Variants in RSPH3 observed in about 807,000 individuals in gnomAD.
The protein encoded by RSPH3 is radial spoke head 3, also known as radial spoke head protein 3 homolog.
RSPH3 carries 21 observed loss-of-function variants against 43.8 expected under a neutral mutation model. The ratio of observed to expected loss-of-function variants is 0.48; its 90% confidence interval spans 0.34 to 0.69. RSPH3 has a LOEUF of 0.69. Ranked by LOEUF, RSPH3 falls within the 30% of genes least tolerant of loss-of-function variation. RSPH3 has a pLI of 0.01. For synonymous variants in RSPH3, 173 were observed against 179.8 expected, an observed-to-expected ratio of 0.96 and a Z score of 0.30; for missense variants, 487 against 516.0, an observed-to-expected ratio of 0.94 and a Z score of 0.54.
chr6:158,985,975 A>G (rs950277880), intron 3 of RSPH3, among the ~76,000 whole-genome samples: 1 of 151,734 alleles, frequency 6.6e-6, no homozygotes, highest in Non-Finnish European at 1.5e-5. Context: ...CACCATGCCC[A>G]GCTAATTTTT....
At chr6:158,972,279 G>A (rs1169825628), downstream of RSPH3, among the ~76,000 whole-genome samples, 1 of 152,178 alleles carries the variant, frequency 6.6e-6, no homozygotes, top group African/African-American at 2.4e-5. Context: ...AGCTCATAAA[G>A]TGAAAACCTC....
intron 2 of RSPH3, among the ~76,000 whole-genome samples, chr6:158,987,984 T>C (rs1201051297): frequency 2.6e-5 from 4 of 152,230 alleles, no homozygotes; most frequent in Non-Finnish European, 5.9e-5. Flanking sequence ...AATGTTTTCT[T>C]TTGGCACATT....
At chr6:158,983,528 G>C (rs1778109043) in intron 4 of RSPH3, 134 bp downstream of exon 4, 2 of 740,760 alleles carry the variant, frequency 2.7e-6, no homozygotes, top group Non-Finnish European at 4.8e-6. Flanking sequence ...AACCATTATA[G>C]ATAATATCTG....
At chr6:158,988,132 T>C (rs1170294156) in intron 2 of RSPH3, 1 of 151,856 alleles carries the variant, frequency 6.6e-6, no homozygotes, top group Admixed American at 6.6e-5. Context: ...AGGGATAACT[T>C]TGTGGATACA....
chr6:158,972,130 G>A (rs533132331), downstream of RSPH3, among the ~76,000 whole-genome samples: 22 of 152,156 alleles, frequency 1.4e-4, 2 homozygotes, highest in South Asian at 3.5e-3. Context: ...ATAAGCAAAG[G>A]TTATAACAGG....
At chr6:158,985,704 C>T (rs187384261) in intron 3 of RSPH3, among the ~76,000 whole-genome samples, 5 of 152,002 alleles carry the variant, frequency 3.3e-5, no homozygotes, top group East Asian at 3.9e-4. Flanking sequence ...TGTGAGCCAC[C>T]GTGCTTGGCC....
At chr6:158,991,050 A>G (rs1319486193) in intron 2 of RSPH3, among the ~76,000 whole-genome samples, 1 of 152,022 alleles carries the variant, frequency 6.6e-6, no homozygotes, top group East Asian at 1.9e-4. Flanking sequence ...CAGTTCTATA[A>G]GTTTCCATTT....
chr6:158,989,078 G>C lies in RSPH3; in HGVS notation c.205-2657C>G, dbSNP rs1158072967. Among the ~76,000 whole-genome samples, 1 of 150,174 alleles carries C rather than the reference G, an allele frequency of 6.7e-6. No homozygotes were observed. The highest frequency in any genetic ancestry group is 1.5e-5 in the Non-Finnish European group (1 of 67,846). ...TTTATCTTTTTTGAGACAGAGTCTC[G>C]CTCTGTCACCCTGGCTGGAGTGCAG... is the stretch of plus-strand genomic sequence containing the variant. On this transcript the variant is annotated intron_variant, in intron 2 of 7. Coordinates refer to ENST00000367069, the MANE Select transcript of RSPH3 (RefSeq NM_031924.8). This position sits in a 1 kb window ranked among gnomAD's most constrained non-coding sequence, Gnocchi z 4.3.
At chr6:158,965,937 T>A in the RSPH3 span, among the ~76,000 whole-genome samples, 1 of 152,178 alleles carries the variant, frequency 6.6e-6, no homozygotes, top group Admixed American at 6.5e-5. Context: ...CTGTTCCTAA[T>A]TTTGTTGACT....
intron 2 of RSPH3, among the ~76,000 whole-genome samples, chr6:158,992,115 C>A (rs1303723441): frequency 1.6e-5 from 2 of 127,718 alleles, no homozygotes; most frequent in East Asian, 4.9e-4. Context: ...GTGGGTTCTT[C>A]ACATCCCTCA....
At chr6:158,997,261 C>T (rs62431872) in intron 1 of RSPH3, among the ~76,000 whole-genome samples, 15,616 of 139,550 alleles carry the variant, frequency 0.11, 1,012 homozygotes, top group Middle Eastern at 0.21. Flanking sequence ...GACAAGTACT[C>T]TCCTGAACAC....
At chr6:158,963,462 C>T in the RSPH3 span, among the ~76,000 whole-genome samples, 1 of 112,922 alleles carries the variant, frequency 8.9e-6, no homozygotes, top group Non-Finnish European at 1.8e-5. Context: ...CTTCCCCTCC[C>T]CTCCCCTCCT....
intron 1 of RSPH3, among the ~76,000 whole-genome samples, chr6:158,995,846 A>G (rs1479922231): frequency 6.6e-6 from 1 of 151,826 alleles, no homozygotes; most frequent in Non-Finnish European, 1.5e-5. Context: ...TGATCCGCCC[A>G]CCTTAGCCTC....
intron 6 of RSPH3, among the ~76,000 whole-genome samples, chr6:158,980,012 T>G (rs1029740922): frequency 6.6e-6 from 1 of 152,232 alleles, no homozygotes; most frequent in Non-Finnish European, 1.5e-5. Context: ...ATGACCTTGA[T>G]AGCTGCCCTC....
intron 2 of RSPH3, among the ~76,000 whole-genome samples, 188 bp downstream of exon 2, chr6:158,993,651 C>T (rs543392978): frequency 1.3e-5 from 2 of 152,184 alleles, no homozygotes; most frequent in South Asian, 2.1e-4. Flanking sequence ...CCCCTCATCC[C>T]CCAGCTCCTG....
At chr6:158,993,687 T>C (rs1778494810) in intron 2 of RSPH3, 152 bp downstream of exon 2, 3 of 509,838 alleles carry the variant, frequency 5.9e-6, no homozygotes, top group African/African-American at 5.9e-5. Context: ...CTTCTATTTG[T>C]ATGTCTTTTT....
In RSPH3 at chr6:158,983,658, G is replaced by A; in HGVS notation, c.492+4C>T. ...TAGAGGGAAGCCCAAAGGATGTACT[G>A]TACCTCTCCTTCTAGTATTTGGGTG... On this transcript the variant is annotated splice_donor_region_variant and intron_variant, in intron 4 of 7. Coordinates refer to ENST00000367069, the MANE Select transcript of RSPH3 (RefSeq NM_031924.8). 3 of 1,609,562 alleles carry A rather than the reference G, an allele frequency of 1.9e-6. No individual in the cohort carries two copies. Among genetic ancestry groups the A allele is most frequent in the Non-Finnish European group, 2.6e-6 (3 of 1,175,854 alleles).
rs752134900 is a variant in RSPH3 at position 158,999,692 on chromosome 6, CG to C, written c.-143del. 6.2e-7 allele frequency: 1 copy of C among 1,613,892 alleles called. No homozygotes were observed. Among genetic ancestry groups the C allele is most frequent in the Admixed American group, 1.7e-5 (1 of 59,992 alleles). The stretch of plus-strand genomic sequence containing the variant: ...CGAGGAGAGGCGACAACAAGGGAGG[CG>C]GGCGGGACGGGAGGTTACCAGCGCA... On this transcript the variant is annotated 5_prime_UTR_variant, in exon 1 of 8. It introduces an in-frame stop codon into an upstream open reading frame of the 5' UTR. Coordinates refer to ENST00000367069, the MANE Select transcript of RSPH3 (RefSeq NM_031924.8).
intron 1 of RSPH3, among the ~76,000 whole-genome samples, chr6:158,995,773 A>AT (rs200458176): frequency 1.3e-5 from 2 of 150,058 alleles, no homozygotes; most frequent in African/African-American, 2.4e-5. Flanking sequence ...TTTTTTTTGT[A>AT]TTTTTTTAGT....
Sources: allele counts gnomAD v4.1 joint callset (sites outside exome capture counted in the v4.1 genomes callset), GRCh38; gene constraint gnomAD v4.1.1; non-coding constraint Gnocchi (gnomAD v3.1); transcripts MANE v1.5; gene names NCBI Gene and HGNC (gene_info 2026-07-23, HGNC 2026-07-21).